Variants in MALRD1 observed in about 807,000 individuals in gnomAD.
MALRD1 encodes the protein MAM and LDL receptor class A domain containing 1.
In MALRD1, 247 loss-of-function variants were observed where a neutral mutation model predicts 242.1. That is an observed-to-expected ratio of 1.02 (90% CI 0.92 to 1.13). MALRD1 has a LOEUF of 1.13. Among genes scored for constraint, MALRD1 ranks in the 50% most tolerant of loss-of-function variants. The pLI is 0.00. For missense variants in MALRD1, 2,989 were observed against 2,533.1 expected (o/e 1.18, Z -3.86); for synonymous variants, 995 against 866.6 (o/e 1.15, Z -2.60).
At chr10:19,341,777 G>A (rs911059178) in intron 24 of MALRD1, among the ~76,000 whole-genome samples, 1 of 151,810 alleles carries the variant, frequency 6.6e-6, no homozygotes, top group African/African-American at 2.4e-5. Flanking sequence ...GTAACTGAAG[G>A]AGTTAAAAAA....
chr10:19,522,495 G>A (rs994233722), intron 31 of MALRD1, among the ~76,000 whole-genome samples: 8 of 152,110 alleles, frequency 5.3e-5, no homozygotes, highest in Non-Finnish European at 7.4e-5. Flanking sequence ...TGATAGTTGA[G>A]TTTCCTTAGA....
At chr10:19,704,185 A>G (rs974011242) in intron 38 of MALRD1, among the ~76,000 whole-genome samples, 3 of 152,180 alleles carry the variant, frequency 2.0e-5, no homozygotes, top group Non-Finnish European at 4.4e-5. Context: ...TTGTTTGAAA[A>G]GTTTAGATCT....
intron 36 of MALRD1, among the ~76,000 whole-genome samples, chr10:19,666,459 C>T (rs1841689352): frequency 6.6e-6 from 1 of 152,090 alleles, no homozygotes; most frequent in Non-Finnish European, 1.5e-5. Context: ...TGCAGTATTC[C>T]CTGTTCTTAT....
intron 14 of MALRD1, among the ~76,000 whole-genome samples, chr10:19,186,838 C>T (rs1392987402): frequency 6.6e-6 from 1 of 152,132 alleles, no homozygotes; most frequent in East Asian, 1.9e-4. Flanking sequence ...CATGCCACTA[C>T]TCTTGTTCAT....
rs959152592 is a variant in MALRD1 at position 19,203,851 on chromosome 10, C to T, written c.2075C>T (p.Pro692Leu). 5.2e-6 allele frequency: 8 copies of T among 1,550,466 alleles called. No homozygotes were observed. The East Asian group carries it at 9.8e-5, about 19-fold the overall frequency. ...GCTGATTTTGAGCACCAGGCTCCACCTCGGGATCATAGTCTCAACGCATCT... is the reference window on the plus strand; with the variant it reads ...GCTGATTTTGAGCACCAGGCTCCACTTCGGGATCATAGTCTCAACGCATCT... ...LSADFEHQAP[P>L]RDHSLNASQG... Residue 692 changes from proline to leucine, a missense_variant, in exon 15 of 40, where the codon CCT becomes CTT. Physicochemically the swap from Pro to Leu is moderately conservative, Grantham distance 98. Coordinates refer to ENST00000454679, the MANE Select transcript of MALRD1 (RefSeq NM_001142308.3).
intron 34 of MALRD1, among the ~76,000 whole-genome samples, chr10:19,607,139 A>G (rs117852024): frequency 1.3e-5 from 2 of 152,198 alleles, no homozygotes; most frequent in African/African-American, 2.4e-5. Flanking sequence ...ATGTTTGCCT[A>G]TTGAAGTCAG....
chr10:19,525,980 T>C (rs1834081888), intron 31 of MALRD1, among the ~76,000 whole-genome samples: 1 of 152,162 alleles, frequency 6.6e-6, no homozygotes, highest in Non-Finnish European at 1.5e-5. Context: ...GTTGATCTTT[T>C]CATAGAGTCA....
chr10:19,195,747 G>GAAAAAC (rs921506304), intron 14 of MALRD1, among the ~76,000 whole-genome samples: 1 of 151,838 alleles, frequency 6.6e-6, no homozygotes, highest in African/African-American at 2.4e-5. Flanking sequence ...GCTAGAGATG[G>GAAAAAC]AAAAACAAAA....
At chr10:19,564,040 C>G (rs982506893) in intron 32 of MALRD1, among the ~76,000 whole-genome samples, 1 of 152,218 alleles carries the variant, frequency 6.6e-6, no homozygotes, top group Non-Finnish European at 1.5e-5. Flanking sequence ...TCCCCAGAAG[C>G]AGTTGCTGGT....
rs560970548 is a variant in MALRD1 at position 19,710,778 on chromosome 10, C to T, written c.6314+18224C>T. ...ATAGTCCCTGGAGCAATGGTTGTAGCGTTTTTCCACATCCTCCCTCTATTC... is the reference window on the plus strand; with the variant it reads ...ATAGTCCCTGGAGCAATGGTTGTAGTGTTTTTCCACATCCTCCCTCTATTC... On this transcript the variant is annotated intron_variant, in intron 38 of 39. Transcript: ENST00000454679. The T allele has an allele frequency of 3.3e-5, 5 of 152,304 alleles. No individual in the cohort carries two copies. The East Asian group carries it at 5.8e-4, about 18-fold the overall frequency. 9.4% of individuals were successfully genotyped at this position (152,304 alleles called of 1,614,324 possible). A position where few individuals can be genotyped will look rare whatever the true frequency, so the allele number is the denominator to read the frequency against.
At chr10:19,331,705 A>T in intron 24 of MALRD1, 123 bp downstream of exon 24, 1 of 728,946 alleles carries the variant, frequency 1.4e-6, no homozygotes, top group South Asian at 1.8e-5. Context: ...AGGTAAGGTG[A>T]TTTAACTTGA....
chr10:19,431,800 G>A (rs1402095014), intron 28 of MALRD1, among the ~76,000 whole-genome samples: 1 of 152,054 alleles, frequency 6.6e-6, no homozygotes, highest in Non-Finnish European at 1.5e-5. Flanking sequence ...ATAAAGTACT[G>A]TTCTTCTGTT....
intron 24 of MALRD1, among the ~76,000 whole-genome samples, chr10:19,339,628 A>G (rs989597584): frequency 1.8e-4 from 28 of 152,220 alleles, no homozygotes; most frequent in African/African-American, 6.8e-4. Context: ...TAACTTCTGC[A>G]TAAGTCATCT....
chr10:19,520,382 GTT>G (rs1378745097), intron 31 of MALRD1, among the ~76,000 whole-genome samples: 15 of 149,794 alleles, frequency 1.0e-4, no homozygotes, highest in Non-Finnish European at 1.9e-4. Context: ...AAACAAGTAT[GTT>G]TTTTCTGTCC....
chr10:19,368,641 A>G (rs745435629), intron 26 of MALRD1, among the ~76,000 whole-genome samples: 21 of 151,736 alleles, frequency 1.4e-4, no homozygotes, highest in Non-Finnish European at 2.7e-4. Flanking sequence ...GTTTTTTTAT[A>G]TCTGTGAAGA....
chr10:19,191,067 T>A (rs1238467505), intron 14 of MALRD1, among the ~76,000 whole-genome samples: 1 of 152,082 alleles, frequency 6.6e-6, no homozygotes, highest in African/African-American at 2.4e-5. Context: ...TGATAAGGGA[T>A]TGATATCCAC....
chr10:19,544,208 A>G (rs1423465618), intron 32 of MALRD1, among the ~76,000 whole-genome samples: 2 of 149,964 alleles, frequency 1.3e-5, no homozygotes, highest in African/African-American at 5.0e-5. Flanking sequence ...TTTTTTTTTT[A>G]GATGCAGTCT....
Position 19,304,262 on chromosome 10 carries a change from A to G in MALRD1, c.3420-19687A>G, listed in dbSNP as rs1028198794. ...GCTTCTCATGTTCTCCAGGTTACAC[A>G]TGGCATATCGTGGAACTTCTCAGCC... On this transcript the variant is annotated intron_variant, in intron 21 of 39. Coordinates refer to ENST00000454679, the MANE Select transcript of MALRD1 (RefSeq NM_001142308.3). Among the ~76,000 whole-genome samples the G allele has an allele frequency of 2.1e-4, 32 of 151,612 alleles. 1 individual carries two copies. The highest frequency in any genetic ancestry group is 5.9e-5 in the Non-Finnish European group (4 of 67,786).
chr10:19,640,356 T>C (rs1840327730), intron 36 of MALRD1, among the ~76,000 whole-genome samples: 1 of 152,178 alleles, frequency 6.6e-6, no homozygotes, highest in South Asian at 2.1e-4. Context: ...CCCAAAATGC[T>C]GTGATTACAG....
Sources: gnomAD v4.1 joint callset for allele counts (sites outside exome capture counted in the v4.1 genomes callset) on GRCh38, gnomAD v4.1.1 for gene constraint, MANE v1.5 for transcripts, NCBI Gene and HGNC (gene_info 2026-07-23, HGNC 2026-07-21) for gene names.